Variants in ZBTB20 observed in about 807,000 individuals in gnomAD.
The protein encoded by ZBTB20 is zinc finger and BTB domain-containing protein 20.
In ZBTB20, 9 loss-of-function variants were observed where a neutral mutation model predicts 56.9. That is an observed-to-expected ratio of 0.16 (90% CI 0.10 to 0.28). ZBTB20 has a LOEUF of 0.28. Among genes scored for constraint, ZBTB20 ranks in the 10% least tolerant of loss-of-function variants. The probability of loss-of-function intolerance (pLI) is 1.00; values close to 1 mark genes in which losing one functional copy is unlikely to be tolerated. For missense variants in ZBTB20, 655 were observed against 1,003.0 expected (o/e 0.65, Z 4.69); for synonymous variants, 417 against 420.7 (o/e 0.99, Z 0.11).
chr3:114,941,017 T>TA (rs1398656408), intron 3 of ZBTB20, among the ~76,000 whole-genome samples: 1 of 146,242 alleles, frequency 6.8e-6, no homozygotes, highest in Non-Finnish European at 1.5e-5. Flanking sequence ...GTGTCATTTT[T>TA]AAAAAGAAAT....
chr3:114,557,848 A>C (rs894357419), intron 6 of ZBTB20, among the ~76,000 whole-genome samples: 3 of 151,992 alleles, frequency 2.0e-5, no homozygotes, highest in African/African-American at 7.2e-5. Context: ...AGCTAAAATA[A>C]ATTATTATTT....
chr3:114,767,774 T>C (rs536550887), intron 5 of ZBTB20, among the ~76,000 whole-genome samples: 1 of 152,088 alleles, frequency 6.6e-6, no homozygotes, highest in East Asian at 1.9e-4. Context: ...GTAGGATAGT[T>C]GGGAAAAAGG....
chr3:114,686,342 C>T (rs1271813447), intron 6 of ZBTB20, among the ~76,000 whole-genome samples: 1 of 152,126 alleles, frequency 6.6e-6, no homozygotes, highest in East Asian at 1.9e-4. Context: ...AATTTGGTGT[C>T]CTTCTGAAAA....
At chr3:114,607,117 TA>T (rs1358123535) in intron 6 of ZBTB20, among the ~76,000 whole-genome samples, 11 of 147,220 alleles carry the variant, frequency 7.5e-5, no homozygotes, top group Non-Finnish European at 6.0e-5. Flanking sequence ...AATAAATAAA[TA>T]AATGAATAAA....
intron 6 of ZBTB20, among the ~76,000 whole-genome samples, chr3:114,670,879 G>A (rs1462512308): frequency 6.6e-6 from 1 of 152,082 alleles, no homozygotes; most frequent in Non-Finnish European, 1.5e-5. Flanking sequence ...GCCTACTCTA[G>A]TCTCTGATAT....
At chr3:115,132,128 T>A (rs982743188) in intron 1 of ZBTB20, among the ~76,000 whole-genome samples, 1 of 152,236 alleles carries the variant, frequency 6.6e-6, no homozygotes, top group Non-Finnish European at 1.5e-5. Flanking sequence ...ATTTATTAAC[T>A]TTGAAATAAT....
intron 2 of ZBTB20, among the ~76,000 whole-genome samples, chr3:115,031,333 C>T (rs1430762870): frequency 6.6e-6 from 1 of 151,350 alleles, no homozygotes; most frequent in Non-Finnish European, 1.5e-5. Context: ...AATCATTATT[C>T]AACAGTACAT....
chr3:114,731,216 T>C (rs752489297), intron 5 of ZBTB20, among the ~76,000 whole-genome samples: 1 of 152,188 alleles, frequency 6.6e-6, no homozygotes, highest in Non-Finnish European at 1.5e-5. Context: ...CCTTAACCAT[T>C]GCTCATATCA....
chr3:114,949,972 A>T (rs1350430371), intron 3 of ZBTB20, among the ~76,000 whole-genome samples: 1 of 152,206 alleles, frequency 6.6e-6, no homozygotes, highest in East Asian at 1.9e-4. Context: ...AGGATACCCA[A>T]GTGGAAAATA....
intron 1 of ZBTB20, among the ~76,000 whole-genome samples, chr3:115,125,633 A>G (rs2084310040): frequency 6.6e-6 from 1 of 152,188 alleles, no homozygotes; most frequent in Non-Finnish European, 1.5e-5. Flanking sequence ...AGAATGAATA[A>G]GTTCAAGAGA....
intron 6 of ZBTB20, among the ~76,000 whole-genome samples, chr3:114,656,717 C>G (rs1056664616): frequency 6.6e-6 from 1 of 151,984 alleles, no homozygotes. Flanking sequence ...TGCTTATTTT[C>G]TCATCTGTTC....
At chr3:114,510,965 C>CT (rs1212528676) in intron 6 of ZBTB20, among the ~76,000 whole-genome samples, 3 of 151,434 alleles carry the variant, frequency 2.0e-5, no homozygotes, top group Non-Finnish European at 4.4e-5. Flanking sequence ...CTTGAAAACT[C>CT]TAAGATGATC....
At chr3:114,609,382 T>C (rs2057389661) in intron 6 of ZBTB20, among the ~76,000 whole-genome samples, 1 of 152,192 alleles carries the variant, frequency 6.6e-6, no homozygotes. Context: ...TGTAGTTATA[T>C]TACAAATTGC....
At chr3:114,544,417 CTTTCTTTCTTTCTTTCTTTCTTTCTTT>C (rs2049505946) in intron 6 of ZBTB20, among the ~76,000 whole-genome samples, 7 of 23,778 alleles carry the variant, frequency 2.9e-4, no homozygotes, top group African/African-American at 1.8e-3. Context: ...TTCTTTCTTT[CTTTCTTTCTTTCTTTCTTTCTTTCTTT>C]CTTTCTTTCT....
At chr3:114,886,593 A>G (rs528419977) in intron 4 of ZBTB20, among the ~76,000 whole-genome samples, 1 of 152,336 alleles carries the variant, frequency 6.6e-6, no homozygotes, top group East Asian at 1.9e-4. Flanking sequence ...TGGCATCTCA[A>G]CACACATGGA....
chr3:114,454,249 T>A (rs926961705), intron 7 of ZBTB20, among the ~76,000 whole-genome samples: 1 of 147,240 alleles, frequency 6.8e-6, no homozygotes, highest in Non-Finnish European at 1.5e-5. Flanking sequence ...GAAGCAGCGT[T>A]TTTTTCTTTC....
At chr3:114,682,749 C>T (rs1371244526) in intron 6 of ZBTB20, among the ~76,000 whole-genome samples, 1 of 152,154 alleles carries the variant, frequency 6.6e-6, no homozygotes, top group Admixed American at 6.5e-5. Flanking sequence ...GACCGGATTA[C>T]TTTCTCTAAT....
chr3:114,949,691 T>C (rs1249276740), intron 3 of ZBTB20, among the ~76,000 whole-genome samples: 89 of 134,648 alleles, frequency 6.6e-4, no homozygotes, highest in African/African-American at 2.9e-3. Flanking sequence ...TCGCTTGAAC[T>C]CAGGAGGCAA....
At chr3:115,001,754 AAATAAACTGAGAG>A (rs1371358754) in intron 2 of ZBTB20, among the ~76,000 whole-genome samples, 1 of 151,514 alleles carries the variant, frequency 6.6e-6, no homozygotes, top group African/African-American at 2.4e-5. Flanking sequence ...AAAAAGAACT[AAATAAACTGAGAG>A]ATATTCCATG....
Sources: gnomAD v4.1 joint callset for allele counts (sites outside exome capture counted in the v4.1 genomes callset) on GRCh38, gnomAD v4.1.1 for gene constraint, MANE v1.5 for transcripts, NCBI Gene and HGNC (gene_info 2026-07-23, HGNC 2026-07-21) for gene names.